The following TUSC3 variants were observed in gnomAD, a reference collection of about 807,000 sequenced individuals.
The protein encoded by TUSC3 is dolichyl-diphosphooligosaccharide--protein glycosyltransferase subunit TUSC3.
TUSC3 carries 45 observed loss-of-function variants against 44.8 expected under a neutral mutation model. The observed-to-expected ratio is 1.00, with a 90% CI of 0.79 to 1.29. TUSC3 has a LOEUF of 1.29. Ranked by LOEUF, TUSC3 falls within the 50% of genes most tolerant of loss-of-function variation. The pLI, the probability that TUSC3 is intolerant of heterozygous loss-of-function variation, is 0.00. For missense variants in TUSC3, 519 were observed against 437.9 expected (o/e 1.19, Z -1.65); for synonymous variants, 212 against 152.9 (o/e 1.39, Z -2.85).
chr8:15,740,970 T>A (rs1428082359), intron 7 of TUSC3, among the ~76,000 whole-genome samples: 1 of 152,110 alleles, frequency 6.6e-6, no homozygotes, highest in Non-Finnish European at 1.5e-5. Context: ...TTTAAGCAAT[T>A]CAAATGAGAA....
intron 2 of TUSC3, among the ~76,000 whole-genome samples, chr8:15,643,638 C>G (rs193186453): frequency 1.3e-5 from 2 of 152,150 alleles, no homozygotes; most frequent in East Asian, 1.9e-4. Flanking sequence ...ACCTCTTTAT[C>G]TTACATCTAG....
intron 1 of TUSC3, among the ~76,000 whole-genome samples, chr8:15,597,046 A>C (rs1804102710): frequency 6.6e-6 from 1 of 152,162 alleles, no homozygotes; most frequent in African/African-American, 2.4e-5. Flanking sequence ...AGCAGAAGTC[A>C]GACTTGTTGT....
chr8:15,437,414 C>A (rs1035290698), intron 1 of TUSC3, among the ~76,000 whole-genome samples: 8 of 152,108 alleles, frequency 5.3e-5, no homozygotes, highest in African/African-American at 1.9e-4. Context: ...TGGCTTATGT[C>A]ATCCAGAAAG....
intron 1 of TUSC3, among the ~76,000 whole-genome samples, chr8:15,610,917 A>T (rs1466519396): frequency 6.6e-6 from 1 of 152,168 alleles, no homozygotes; most frequent in Non-Finnish European, 1.5e-5. Flanking sequence ...ACACATAACT[A>T]AAAGAGTGTT....
chr8:15,796,697 CAA>C, the TUSC3 span, among the ~76,000 whole-genome samples: 1 of 152,172 alleles, frequency 6.6e-6, no homozygotes, highest in African/African-American at 2.4e-5. Flanking sequence ...GAAAGGGAGA[CAA>C]AGTTTCTACC....
chr8:15,810,372 G>T, the TUSC3 span, among the ~76,000 whole-genome samples: 3 of 152,226 alleles, frequency 2.0e-5, no homozygotes, highest in East Asian at 5.8e-4. Context: ...GAATGGTGGC[G>T]TATGTCTATA....
intron 1 of TUSC3, among the ~76,000 whole-genome samples, chr8:15,451,726 A>G (rs1036705061): frequency 2.6e-5 from 4 of 152,104 alleles, no homozygotes; most frequent in Admixed American, 2.0e-4. Context: ...CTGGGCTTGC[A>G]ATCGATGGGG....
chr8:15,716,930 T>A (rs1482743499), intron 6 of TUSC3, among the ~76,000 whole-genome samples: 1 of 152,116 alleles, frequency 6.6e-6, no homozygotes, highest in Non-Finnish European at 1.5e-5. Flanking sequence ...TGTAATTAGA[T>A]GCTCTGAATT....
At chr8:15,660,127 G>A (rs1585202913) in intron 4 of TUSC3, among the ~76,000 whole-genome samples, 3 of 151,924 alleles carry the variant, frequency 2.0e-5, no homozygotes, top group South Asian at 4.2e-4. Flanking sequence ...TAACAATTCC[G>A]CTTCTAGGAA....
At chr8:15,673,625 A>T (rs759786342) in intron 5 of TUSC3, 122 bp from the exon 6 acceptor site, 2 of 829,650 alleles carry the variant, frequency 2.4e-6, no homozygotes, top group Non-Finnish European at 4.0e-6. Context: ...GAAATTTTTT[A>T]AAATGTGTGA....
At position 15,542,895 on chromosome 8, in the gene TUSC3, G is replaced by A. The variant is rs569360578; in HGVS notation, c.138+2327G>A. ...CAAAATAAGAGCTTAAATAGTTGAT[G>A]TTTTCAAGACTGTACTTTCAGGGAT... On this transcript the variant is annotated intron_variant, in intron 1 of 10. Transcript: ENST00000503731. Among the ~76,000 whole-genome samples the A allele has an allele frequency of 2.0e-5, 3 of 152,280 alleles. No individual in the cohort carries two copies. The South Asian group carries it at 6.2e-4, about 32-fold the overall frequency.
chr8:15,468,580 T>G (rs551197321), intron 1 of TUSC3, among the ~76,000 whole-genome samples: 3 of 152,294 alleles, frequency 2.0e-5, no homozygotes, highest in African/African-American at 7.2e-5. Flanking sequence ...ACCCTTAAAT[T>G]TAGATCTGAT....
At chr8:15,424,402 G>A (rs1483127501) in intron 1 of TUSC3, among the ~76,000 whole-genome samples, 2 of 151,928 alleles carry the variant, frequency 1.3e-5, no homozygotes, top group African/African-American at 4.8e-5. Context: ...AACAAAATCT[G>A]GACTATGTCT....
intron 6 of TUSC3, among the ~76,000 whole-genome samples, chr8:15,691,172 G>T (rs1164266484): frequency 1.3e-5 from 2 of 151,794 alleles, no homozygotes; most frequent in Non-Finnish European, 2.9e-5. Context: ...TATCATCTCT[G>T]ATTTCTTTGA....
intron 1 of TUSC3, among the ~76,000 whole-genome samples, chr8:15,417,645 G>A (rs1456488771): frequency 6.6e-6 from 1 of 152,164 alleles, no homozygotes; most frequent in African/African-American, 2.4e-5. Flanking sequence ...ATACTAGAGA[G>A]AAAATATTGC....
chr8:15,441,649 A>G (rs976861452), intron 1 of TUSC3, among the ~76,000 whole-genome samples: 2 of 152,206 alleles, frequency 1.3e-5, no homozygotes, highest in Non-Finnish European at 2.9e-5. Flanking sequence ...TCATTCCTTA[A>G]TAAGCACGTC....
the TUSC3 span, among the ~76,000 whole-genome samples, chr8:15,812,955 G>A: frequency 4.6e-5 from 7 of 151,994 alleles, no homozygotes; most frequent in East Asian, 1.9e-4. Context: ...TTAGCTGGGC[G>A]TGGTGGCATG....
chr8:15,739,928 A>G (rs1459004361), intron 7 of TUSC3, among the ~76,000 whole-genome samples: 2 of 141,136 alleles, frequency 1.4e-5, no homozygotes, highest in African/African-American at 5.3e-5. Flanking sequence ...TTGTTTGTAA[A>G]CAGATGGTAA....
At chr8:15,720,748 A>G (rs968900024) in intron 6 of TUSC3, among the ~76,000 whole-genome samples, 3 of 152,148 alleles carry the variant, frequency 2.0e-5, no homozygotes, top group African/African-American at 7.2e-5. Flanking sequence ...AATTAAAGCT[A>G]TCTGAAGTAC....
Sources: gnomAD v4.1 joint callset for allele counts (sites outside exome capture counted in the v4.1 genomes callset) on GRCh38, gnomAD v4.1.1 for gene constraint, MANE v1.5 for transcripts, NCBI Gene and HGNC (gene_info 2026-07-23, HGNC 2026-07-21) for gene names.